The following ATP4A variants were observed in gnomAD, a reference collection of about 807,000 sequenced individuals.
ATP4A encodes ATPase H+/K+ transporting subunit alpha.
ATP4A carries 73 observed loss-of-function variants against 112.1 expected under a neutral mutation model. The ratio of observed to expected loss-of-function variants is 0.65; its 90% CI spans 0.54 to 0.79. The LOEUF is 0.79. ATP4A is among the 30% of genes least tolerant of loss of function. The pLI is 0.00. For missense variants in ATP4A, 1,081 were observed against 1,425.9 expected (o/e 0.76, Z 3.90); for synonymous variants, 588 against 588.9 (o/e 1.00, Z 0.02).
At chr19:35,562,772 T>A (rs1417248062) in intron 3 of ATP4A, 134 bp from the exon 4 acceptor site, 5 of 874,942 alleles carry the variant, frequency 5.7e-6, no homozygotes, top group Non-Finnish European at 8.5e-6. Flanking sequence ...TGTCTCTTGG[T>A]TCCTGCCCCC....
In ATP4A at chr19:35,555,089, G is replaced by A. The variant is rs781230902; in HGVS notation, c.2327-13C>T. Reference sequence around the variant, plus strand: ...AAGATCAGTCGACCTGTGGGGTAGGGTGGGCACCTCAGCCTCCTCACAGCC... The same window carrying A: ...AAGATCAGTCGACCTGTGGGGTAGGATGGGCACCTCAGCCTCCTCACAGCC... On this transcript the variant is annotated splice_polypyrimidine_tract_variant and intron_variant, in intron 15 of 21. Transcript: ENST00000262623. The surrounding 1 kb of genome is among the most constrained non-coding windows in gnomAD (Gnocchi z 6.6). 1.9e-6 allele frequency: 3 copies of A among 1,613,008 alleles called. No individual in the cohort carries two copies. Among genetic ancestry groups the A allele is most frequent in the Non-Finnish European group, 2.5e-6 (3 of 1,179,320 alleles).
chr19:35,561,027 T>A (rs961824958), intron 4 of ATP4A, 95 bp from the exon 5 acceptor site: 2 of 1,050,574 alleles, frequency 1.9e-6, no homozygotes, highest in Middle Eastern at 2.6e-4. Context: ...TTTTCTTGGT[T>A]TTCCCCATGC....
At position 35,550,518 on chromosome 19, in the gene ATP4A, G is replaced by C; in HGVS notation, c.*97C>G. On this transcript the variant is annotated 3_prime_UTR_variant, in exon 22 of 22. Transcript: ENST00000262623. The surrounding 1 kb of genome is among the most constrained non-coding windows in gnomAD (Gnocchi z 4.1). ...AGATACTGGTGGGGCTGGGACTCTT[G>C]GTTGCTCAGATATCTTGGTGGCTGT... The C allele has an allele frequency of 6.6e-7, 1 of 1,509,458 alleles. No homozygotes were observed. Among genetic ancestry groups the C allele is most frequent in the Non-Finnish European group, 9.1e-7 (1 of 1,092,958 alleles). The allele number at this position is 1,509,458 out of a possible 1,614,324, so 93.5% of individuals were successfully genotyped here. A position where few individuals can be genotyped will look rare whatever the true frequency, so the allele number is the denominator to read the frequency against.
At position 35,555,506 on chromosome 19, in the gene ATP4A, G is replaced by A. The variant is rs200522604; in HGVS notation, c.2091C>T (p.Pro697=). The A allele has an allele frequency of 1.8e-4, 291 of 1,608,020 alleles. 2 individuals carry two copies. In the East Asian group the frequency reaches 4.8e-3, roughly 26 times the overall value. The change falls in exon 14 of 22, where the codon CCC becomes CCT. Residue 697 remains proline, a synonymous_variant. Transcript: ENST00000262623. The surrounding 1 kb of genome is among the most constrained non-coding windows in gnomAD (Gnocchi z 6.6). The stretch of plus-strand genomic sequence containing the variant: ...GGCTGGTGCGCGCAAACACCATCTC[G>A]GGGTGGGTGCGCAGGGCCTCGACCA... ...SELVEALRTH[P]EMVFARTSPQ...
Position 35,560,083 on chromosome 19 carries a change from G to A in ATP4A, c.788-10C>T, listed in dbSNP as rs199511086. ...AGGCCCTGCACGGTGCCTGCAGGGGGGCCAAGGCGCGACTCAGGGATAGGG... is the reference window on the plus strand; with the variant it reads ...AGGCCCTGCACGGTGCCTGCAGGGGAGCCAAGGCGCGACTCAGGGATAGGG... On this transcript the variant is annotated splice_polypyrimidine_tract_variant and intron_variant, in intron 6 of 21. Transcript: ENST00000262623. The surrounding 1 kb of genome is among the most constrained non-coding windows in gnomAD (Gnocchi z 5.1). The A allele has an allele frequency of 9.9e-6, 16 of 1,612,790 alleles. No individual in the cohort carries two copies. Among genetic ancestry groups the A allele is most frequent in the African/African-American group, 1.3e-5 (1 of 74,920 alleles).
rs377267679 is a variant in ATP4A at position 35,560,105 on chromosome 19, A to T, written c.788-32T>A. 2 of 1,609,906 alleles carry T rather than the reference A, an allele frequency of 1.2e-6. No homozygotes were observed. Among genetic ancestry groups the T allele is most frequent in the African/African-American group, 2.7e-5 (2 of 74,844 alleles). On this transcript the variant is annotated intron_variant, in intron 6 of 21. Coordinates refer to ENST00000262623, the MANE Select transcript of ATP4A (RefSeq NM_000704.3). This position sits in a 1 kb window ranked among gnomAD's most constrained non-coding sequence, Gnocchi z 5.1. ...GGGGGCCAAGGCGCGACTCAGGGAT[A>T]GGGGGCGGCAGTGGGGTGTGCACTG...
Position 35,557,837 on chromosome 19 carries a change from T to C in ATP4A, c.1511A>G (p.His504Arg). The C allele has an allele frequency of 1.4e-6, 2 of 1,382,094 alleles. No homozygotes were observed. Among genetic ancestry groups the C allele is most frequent in the Non-Finnish European group, 1.9e-6 (2 of 1,054,648 alleles). 85.6% of individuals were successfully genotyped at this position (1,382,094 alleles called of 1,614,324 possible). Residue 504 changes from histidine to arginine, a missense_variant, in exon 11 of 22, where the codon CAT becomes CGT. Coordinates refer to ENST00000262623, the MANE Select transcript of ATP4A (RefSeq NM_000704.3). The surrounding 1 kb of genome is among the most constrained non-coding windows in gnomAD (Gnocchi z 4.4). ...NSTNKFQLSI[H>R]TLEDPRDPRH... ...CGGGTCCCGCGGGTCCTCCAGCGTA[T>C]GGATGGACAGCTGTGGGCGGGGGGG...
At position 35,560,917 on chromosome 19, in the gene ATP4A, C is replaced by G. The variant is rs776771707; in HGVS notation, c.436G>C (p.Ala146Pro). The G allele has an allele frequency of 1.2e-6, 2 of 1,613,628 alleles. No homozygotes were observed. Among genetic ancestry groups the G allele is most frequent in the African/African-American group, 2.7e-5 (2 of 74,792 alleles). Residue 146 changes from alanine (A) to proline (P), a missense_variant, in exon 5 of 22, where the codon GCT (alanine) becomes CCT (proline). Ala to Pro is a conservative substitution (Grantham distance 27, BLOSUM62 -1). Coordinates refer to ENST00000262623, the MANE Select transcript of ATP4A (RefSeq NM_000704.3). The surrounding 1 kb of genome is among the most constrained non-coding windows in gnomAD (Gnocchi z 5.1). ...GTGACGACAACCACAGCAATGAGAG[C>G]GATTGCCAGGTACAGCTGGGGACAG... ...TTDDNLYLAI[A>P]LIAVVVVTGC...
Position 35,562,595 on chromosome 19 carries a change from C to T in ATP4A, c.260G>A (p.Gly87Glu). ...SLAAELLLRDGPNALRPPRGT... is the reference protein window; with the variant it reads ...SLAAELLLRDEPNALRPPRGT... Reference sequence around the variant, plus strand: ...CCGTGGTGGCCGCAGTGCGTTGGGCCCATCCCGCAGCAGCAGCTCAGCAGC... The same window carrying T: ...CCGTGGTGGCCGCAGTGCGTTGGGCTCATCCCGCAGCAGCAGCTCAGCAGC... Residue 87 changes from glycine (G) to glutamate (E), a missense_variant, in exon 4 of 22, where the codon GGG becomes GAG. Gly to Glu is a moderately conservative substitution (Grantham distance 98). Transcript: ENST00000262623. 1 of 1,610,252 alleles carries T rather than the reference C, an allele frequency of 6.2e-7. No individual in the cohort carries two copies. Among genetic ancestry groups the T allele is most frequent in the Non-Finnish European group, 8.5e-7 (1 of 1,178,698 alleles).
In ATP4A at chr19:35,555,947, G is replaced by A. The variant is rs990074537; in HGVS notation, c.1870-135C>T. 5 of 1,280,686 alleles carry A rather than the reference G, an allele frequency of 3.9e-6. No individual in the cohort carries two copies. The Admixed American group carries it at 7.3e-5, about 19-fold the overall frequency. The allele number at this position is 1,280,686 out of a possible 1,614,324, so 79.3% of individuals were successfully genotyped here. A position where few individuals can be genotyped will look rare whatever the true frequency, so the allele number is the denominator to read the frequency against. On this transcript the variant is annotated intron_variant, in intron 12 of 21. Transcript: ENST00000262623. This position sits in a 1 kb window ranked among gnomAD's most constrained non-coding sequence, Gnocchi z 6.6. ...CCACCTCCTACGTGCCTGGGATATA[G>A]CAGAGACAAAAGAGACAAAAATCCC...
chr19:35,557,544 C>A lies in ATP4A; in HGVS notation c.1693+111G>T. On this transcript the variant is annotated intron_variant, in intron 11 of 21. Transcript: ENST00000262623. The surrounding 1 kb of genome is among the most constrained non-coding windows in gnomAD (Gnocchi z 4.4). ...GGTGAGGCTGTGGACTGCGACAAAT[C>A]AGCCAGCAGCCAGGGATGAGGACGG... 1.5e-6 allele frequency: 2 copies of A among 1,316,694 alleles called. No homozygotes were observed. Among genetic ancestry groups the A allele is most frequent in the Non-Finnish European group, 2.1e-6 (2 of 971,852 alleles). The allele number at this position is 1,316,694 out of a possible 1,614,324, so 81.6% of individuals were successfully genotyped here. A position where few individuals can be genotyped will look rare whatever the true frequency, so the allele number is the denominator to read the frequency against.
In ATP4A at chr19:35,550,712, G is replaced by A; in HGVS notation, c.3080-69C>T. ...ACTTAGGCAGGGCCAGGGGCTCAGAGGTCAGTGCTGGTTGCTATGGAGGGT... is the reference window on the plus strand; with the variant it reads ...ACTTAGGCAGGGCCAGGGGCTCAGAAGTCAGTGCTGGTTGCTATGGAGGGT... On this transcript the variant is annotated intron_variant, in intron 21 of 21. Transcript: ENST00000262623. This position sits in a 1 kb window ranked among gnomAD's most constrained non-coding sequence, Gnocchi z 4.1. 2 of 1,609,966 alleles carry A rather than the reference G, an allele frequency of 1.2e-6. No individual in the cohort carries two copies. Among genetic ancestry groups the A allele is most frequent in the Middle Eastern group, 1.7e-4 (1 of 6,024 alleles).
Position 35,551,209 on chromosome 19 carries a change from G to C in ATP4A, c.2886-98C>G. 1 of 1,305,528 alleles carries C rather than the reference G, an allele frequency of 7.7e-7. No homozygotes were observed. Among genetic ancestry groups the C allele is most frequent in the Non-Finnish European group, 1.1e-6 (1 of 930,800 alleles). 80.9% of individuals were successfully genotyped at this position (1,305,528 alleles called of 1,614,324 possible). A position where few individuals can be genotyped will look rare whatever the true frequency, so the allele number is the denominator to read the frequency against. The stretch of plus-strand genomic sequence containing the variant: ...AGTAGGTCAGATGTCAGCAGCAGCA[G>C]GGAGGTGTTCTACACACTGAACACT... On this transcript the variant is annotated intron_variant, in intron 19 of 21. Coordinates refer to ENST00000262623, the MANE Select transcript of ATP4A (RefSeq NM_000704.3). This position sits in a 1 kb window ranked among gnomAD's most constrained non-coding sequence, Gnocchi z 5.2.
At position 35,560,245 on chromosome 19, in the gene ATP4A, A is replaced by G; in HGVS notation, c.787+118T>C. The G allele has an allele frequency of 6.5e-7, 1 of 1,541,556 alleles. No individual in the cohort carries two copies. Among genetic ancestry groups the G allele is most frequent in the Non-Finnish European group, 8.8e-7 (1 of 1,140,002 alleles). ...CCCTGGGGAGGTGGCAGTCACGGGG[A>G]GGTGGCAGTCATGCAGGAGAGAGAC... On this transcript the variant is annotated intron_variant, in intron 6 of 21. Transcript: ENST00000262623. The surrounding 1 kb of genome is among the most constrained non-coding windows in gnomAD (Gnocchi z 5.1).
chr19:35,550,508 T>C lies in ATP4A; in HGVS notation c.*107A>G. 6.9e-7 allele frequency: 1 copy of C among 1,453,336 alleles called. No homozygotes were observed. Among genetic ancestry groups the C allele is most frequent in the Non-Finnish European group, 9.5e-7 (1 of 1,047,952 alleles). 90.0% of individuals were successfully genotyped at this position (1,453,336 alleles called of 1,614,324 possible). A position where few individuals can be genotyped will look rare whatever the true frequency, so the allele number is the denominator to read the frequency against. On this transcript the variant is annotated 3_prime_UTR_variant, in exon 22 of 22. Transcript: ENST00000262623. The surrounding 1 kb of genome is among the most constrained non-coding windows in gnomAD (Gnocchi z 4.1). Reference sequence around the variant, plus strand: ...CTACAGAAGCAGATACTGGTGGGGCTGGGACTCTTGGTTGCTCAGATATCT... The same window carrying C: ...CTACAGAAGCAGATACTGGTGGGGCCGGGACTCTTGGTTGCTCAGATATCT...
rs760628175 is a variant in ATP4A at position 35,557,856 on chromosome 19, G to C, written c.1501-9C>G. The C allele has an allele frequency of 1.7e-5, 25 of 1,463,642 alleles. No homozygotes were observed. The highest frequency in any genetic ancestry group is 2.5e-5 in the East Asian group (1 of 39,630). The allele number at this position is 1,463,642 out of a possible 1,614,324, so 90.7% of individuals were successfully genotyped here. A position where few individuals can be genotyped will look rare whatever the true frequency, so the allele number is the denominator to read the frequency against. ...AGCGTATGGATGGACAGCTGTGGGC[G>C]GGGGGGAGAGGCGAGGCTGTGGACG... On this transcript the variant is annotated splice_polypyrimidine_tract_variant and intron_variant, in intron 10 of 21. Transcript: ENST00000262623. The surrounding 1 kb of genome is among the most constrained non-coding windows in gnomAD (Gnocchi z 4.4).
rs1280276704 is a variant in ATP4A at position 35,558,282 on chromosome 19, G to A, written c.1500+80C>T. 2 of 1,503,028 alleles carry A rather than the reference G, an allele frequency of 1.3e-6. No homozygotes were observed. The highest frequency in any genetic ancestry group is 8.9e-7 in the Non-Finnish European group (1 of 1,118,560). The allele number at this position is 1,503,028 out of a possible 1,614,324, so 93.1% of individuals were successfully genotyped here. ...GAAGGGGCAAGGAGCGAAGCCCCTC[G>A]TGGCCCGCTGATGTGGGTGTGGCCT... is the stretch of plus-strand genomic sequence containing the variant. On this transcript the variant is annotated intron_variant, in intron 10 of 21. Coordinates refer to ENST00000262623, the MANE Select transcript of ATP4A (RefSeq NM_000704.3). This position sits in a 1 kb window ranked among gnomAD's most constrained non-coding sequence, Gnocchi z 5.1.
chr19:35,562,679 C>T (rs540140131), intron 3 of ATP4A, 41 bp from the exon 4 acceptor site: 407 of 1,533,634 alleles, frequency 2.7e-4, no homozygotes, highest in Middle Eastern at 4.5e-4. Context: ...TGGGGGCTTT[C>T]CTCCACATGC....
chr19:35,551,484 T>C lies in ATP4A; in HGVS notation c.2848A>G (p.Thr950Ala). ...TGCTGGAAGGCAGAGAGACGGCGCGTCTTGCGGATGAGGACATCGGCGATC... is the reference window on the plus strand; with the variant it reads ...TGCTGGAAGGCAGAGAGACGGCGCGCCTTGCGGATGAGGACATCGGCGATC... ...CQIADVLIRK[T>A]RRLSAFQQGF... The change falls in exon 19 of 22, where the codon ACG (threonine) becomes GCG (alanine). Residue 950 changes from threonine to alanine, a missense_variant. Physicochemically the swap from Thr to Ala is moderately conservative, Grantham distance 58. Transcript: ENST00000262623. This position sits in a 1 kb window ranked among gnomAD's most constrained non-coding sequence, Gnocchi z 5.2. 1 of 1,614,106 alleles carries C rather than the reference T, an allele frequency of 6.2e-7. No individual in the cohort carries two copies. Among genetic ancestry groups the C allele is most frequent in the Non-Finnish European group, 8.5e-7 (1 of 1,180,018 alleles).
Sources: gnomAD v4.1 joint callset for allele counts on GRCh38, gnomAD v4.1.1 for gene constraint, Gnocchi (gnomAD v3.1) non-coding constraint, MANE v1.5 for transcripts, NCBI Gene and HGNC (gene_info 2026-07-23, HGNC 2026-07-21) for gene names.